Variants in CTNNA3 observed in about 807,000 individuals in gnomAD.
CTNNA3 encodes catenin alpha 3.
In CTNNA3, 76 loss-of-function variants were observed where a neutral mutation model predicts 95.7. The ratio of observed to expected loss-of-function variants is 0.79; its 90% CI spans 0.66 to 0.96. CTNNA3 has a LOEUF of 0.96. Among genes scored for constraint, CTNNA3 ranks in the 40% least tolerant of loss-of-function variants. The pLI is 0.00. For synonymous variants in CTNNA3, 431 were observed against 374.4 expected (o/e 1.15, Z -1.74); for missense variants, 1,191 against 1,089.8 (o/e 1.09, Z -1.31).
At chr10:67,181,280 G>C (rs142921931) in intron 6 of CTNNA3, among the ~76,000 whole-genome samples, 35 of 152,208 alleles carry the variant, frequency 2.3e-4, no homozygotes, top group Non-Finnish European at 4.9e-4. Flanking sequence ...ATTAGAACCT[G>C]ACACGGTATT....
intron 13 of CTNNA3, among the ~76,000 whole-genome samples, chr10:66,150,785 C>G (rs2084159805): frequency 6.6e-6 from 1 of 151,870 alleles, no homozygotes; most frequent in Admixed American, 6.6e-5. Flanking sequence ...TTTTCTAGTT[C>G]ATTATAATCA....
intron 11 of CTNNA3, among the ~76,000 whole-genome samples, chr10:66,460,650 C>T (rs10997140): frequency 6.6e-6 from 1 of 151,770 alleles, no homozygotes; most frequent in Non-Finnish European, 1.5e-5. Flanking sequence ...GCCCATAGAG[C>T]GACTGAGCAT....
At chr10:67,146,175 A>G (rs1860834201) in intron 7 of CTNNA3, among the ~76,000 whole-genome samples, 1 of 152,236 alleles carries the variant, frequency 6.6e-6, no homozygotes, top group Admixed American at 6.5e-5. Flanking sequence ...GCTCAAAAGC[A>G]TTAAGTGAAG....
chr10:67,157,428 C>T (rs1195759797), intron 7 of CTNNA3, among the ~76,000 whole-genome samples: 1 of 152,138 alleles, frequency 6.6e-6, no homozygotes, highest in African/African-American at 2.4e-5. Flanking sequence ...GCAGCCCCTC[C>T]TGTATGAGTG....
intron 5 of CTNNA3, among the ~76,000 whole-genome samples, chr10:67,404,228 T>C (rs938033994): frequency 6.6e-6 from 1 of 151,994 alleles, no homozygotes; most frequent in Admixed American, 6.6e-5. Flanking sequence ...AGAAATAGGA[T>C]TCCAAATGTG....
At chr10:66,623,902 C>T (rs1310726089) in intron 9 of CTNNA3, among the ~76,000 whole-genome samples, 1 of 152,136 alleles carries the variant, frequency 6.6e-6, no homozygotes, top group Non-Finnish European at 1.5e-5. Context: ...AGCCAAATTT[C>T]TTCTAATGAT....
At chr10:66,941,762 G>A (rs185141695) in intron 7 of CTNNA3, among the ~76,000 whole-genome samples, 38 of 152,254 alleles carry the variant, frequency 2.5e-4, no homozygotes, top group Admixed American at 2.0e-3. Context: ...CTGAAAGAGG[G>A]AGCACACAAA....
intron 7 of CTNNA3, among the ~76,000 whole-genome samples, chr10:66,820,551 A>G (rs1405428626): frequency 6.6e-6 from 1 of 152,026 alleles, no homozygotes; most frequent in Non-Finnish European, 1.5e-5. Context: ...TATGTCATGG[A>G]CATTATGAGG....
intron 7 of CTNNA3, among the ~76,000 whole-genome samples, chr10:66,957,398 ATATATATATATATATG>A (rs1848855543): frequency 5.1e-4 from 5 of 9,742 alleles, no homozygotes; most frequent in African/African-American, 1.4e-3. Flanking sequence ...ATATACATAT[ATATATATATATATATG>A]CATATATATA....
intron 5 of CTNNA3, among the ~76,000 whole-genome samples, chr10:67,313,877 A>T (rs998475542): frequency 6.6e-6 from 1 of 152,214 alleles, no homozygotes; most frequent in Non-Finnish European, 1.5e-5. Context: ...GGTAGGAAAG[A>T]TAAGAAGTTC....
At chr10:66,234,726 C>T (rs2089765268) in intron 13 of CTNNA3, among the ~76,000 whole-genome samples, 1 of 152,146 alleles carries the variant, frequency 6.6e-6, no homozygotes, top group South Asian at 2.1e-4. Flanking sequence ...CCCCACAGAT[C>T]CCTTCCTCTT....
chr10:66,097,936 G>A (rs909967329), intron 14 of CTNNA3: 17 of 152,044 alleles, frequency 1.1e-4, no homozygotes, highest in African/African-American at 4.1e-4. Context: ...TCCGTGGTGG[G>A]AACTAACTTT....
intron 13 of CTNNA3, among the ~76,000 whole-genome samples, chr10:66,266,734 T>C (rs531465073): frequency 2.6e-5 from 4 of 152,152 alleles, no homozygotes; most frequent in Admixed American, 2.0e-4. Context: ...TATGCTTGGC[T>C]TCAGCTCATT....
intron 7 of CTNNA3, among the ~76,000 whole-genome samples, chr10:67,022,070 G>A (rs552966081): frequency 6.6e-6 from 1 of 152,292 alleles, no homozygotes; most frequent in African/African-American, 2.4e-5. Flanking sequence ...AAATATCAGT[G>A]CTAAGACAGG....
intron 13 of CTNNA3, among the ~76,000 whole-genome samples, chr10:66,205,437 T>C (rs544173587): frequency 6.6e-6 from 1 of 152,164 alleles, no homozygotes; most frequent in Admixed American, 6.6e-5. Context: ...ACTATTTTGA[T>C]AATAATGTGG....
chr10:66,111,953 T>C (rs1471624338), intron 13 of CTNNA3, among the ~76,000 whole-genome samples: 1 of 152,210 alleles, frequency 6.6e-6, no homozygotes, highest in Non-Finnish European at 1.5e-5. Flanking sequence ...TGATAATTTT[T>C]GTAAATCCTT....
At chr10:66,180,656 A>G (rs892695329) in intron 13 of CTNNA3, among the ~76,000 whole-genome samples, 1 of 152,112 alleles carries the variant, frequency 6.6e-6, no homozygotes, top group African/African-American at 2.4e-5. Flanking sequence ...GCCCTGGGAA[A>G]CTCATGTTTT....
At chr10:67,421,407 G>C (rs947727963) in intron 5 of CTNNA3, among the ~76,000 whole-genome samples, 2 of 151,850 alleles carry the variant, frequency 1.3e-5, no homozygotes, top group African/African-American at 4.8e-5. Flanking sequence ...TTTTGTTTTT[G>C]TTTTGTAGAC....
intron 7 of CTNNA3, among the ~76,000 whole-genome samples, chr10:67,045,682 G>A (rs1854692947): frequency 6.6e-6 from 1 of 152,144 alleles, no homozygotes; most frequent in Non-Finnish European, 1.5e-5. Context: ...GCGCGGGATG[G>A]GGCGGCCCCC....
Sources: gnomAD v4.1 joint callset for allele counts (sites outside exome capture counted in the v4.1 genomes callset) on GRCh38, gnomAD v4.1.1 for gene constraint, MANE v1.5 for transcripts, NCBI Gene and HGNC (gene_info 2026-07-23, HGNC 2026-07-21) for gene names.